Variants in ST3GAL2 observed in about 807,000 individuals in gnomAD.
ST3GAL2 encodes the protein ST3 beta-galactoside alpha-2,3-sialyltransferase 2, also known as CMP-N-acetylneuraminate-beta-galactosamide-alpha-2,3-sialyltransferase 2.
A neutral mutation model predicts 37.5 loss-of-function variants in ST3GAL2; 16 were observed. The observed-to-expected ratio is 0.43, with a 90% CI of 0.29 to 0.65. ST3GAL2 has a LOEUF of 0.65. Among genes scored for constraint, ST3GAL2 ranks in the 30% least tolerant of loss-of-function variants. ST3GAL2 has a pLI of 0.17. For synonymous variants in ST3GAL2, 238 were observed against 202.9 expected, an observed-to-expected ratio of 1.17 and a Z score of -1.47; for missense variants, 383 against 487.8, an observed-to-expected ratio of 0.79 and a Z score of 2.02.
intron 4 of ST3GAL2, among the ~76,000 whole-genome samples, chr16:70,386,036 G>GT (rs1375308099): frequency 6.6e-6 from 1 of 151,666 alleles, no homozygotes; most frequent in Admixed American, 6.6e-5. Flanking sequence ...GTTTTGTTTT[G>GT]TTTTTTTGAG....
Position 70,399,027 on chromosome 16 carries a change from G to A in ST3GAL2, c.-497C>T, listed in dbSNP as rs2047537356. On this transcript the variant is annotated 5_prime_UTR_variant, in exon 2 of 7. Coordinates refer to ENST00000342907, the MANE Select transcript of ST3GAL2 (RefSeq NM_006927.4). ...AACTCCAATCACAACAGAGAGCACA[G>A]GGGCTTCAGGGGACTTGGGTTCCAT... 3 of 404,442 alleles carry A rather than the reference G, an allele frequency of 7.4e-6. No individual in the cohort carries two copies. Among genetic ancestry groups the A allele is most frequent in the Non-Finnish European group, 1.3e-5 (3 of 229,410 alleles). The allele number at this position is 404,442 out of a possible 1,614,324, so 25.1% of individuals were successfully genotyped here.
chr16:70,383,282 G>C, intron 4 of ST3GAL2, 47 bp from the exon 5 acceptor site: 1 of 1,568,500 alleles, frequency 6.4e-7, no homozygotes, highest in Non-Finnish European at 8.6e-7. Flanking sequence ...TGGGCACGGT[G>C]GCTCACACCT....
At chr16:70,402,561 C>G (rs1245102405) in intron 1 of ST3GAL2, among the ~76,000 whole-genome samples, 2 of 152,128 alleles carry the variant, frequency 1.3e-5, no homozygotes, top group Non-Finnish European at 2.9e-5. Context: ...GGGAATTCCT[C>G]TGGAGGGGGA....
intron 1 of ST3GAL2, among the ~76,000 whole-genome samples, chr16:70,432,319 T>C (rs1345720743): frequency 6.6e-6 from 1 of 152,170 alleles, no homozygotes; most frequent in Admixed American, 6.5e-5. Flanking sequence ...TGACCTGCTC[T>C]AAGAATCTGC....
chr16:70,385,343 T>C (rs537944200), intron 4 of ST3GAL2, among the ~76,000 whole-genome samples: 1 of 151,810 alleles, frequency 6.6e-6, no homozygotes, highest in African/African-American at 2.4e-5. Context: ...AGTTAAATCA[T>C]AGAGACAGAA....
At chr16:70,396,227 C>T (rs1051993961) in intron 2 of ST3GAL2, among the ~76,000 whole-genome samples, 6 of 150,214 alleles carry the variant, frequency 4.0e-5, no homozygotes, top group Non-Finnish European at 5.9e-5. Flanking sequence ...GCCTTGGCCT[C>T]CCAAGGTGGT....
chr16:70,437,840 G>A (rs939435664), intron 1 of ST3GAL2, among the ~76,000 whole-genome samples: 2 of 152,174 alleles, frequency 1.3e-5, no homozygotes, highest in Non-Finnish European at 2.9e-5. Context: ...GGCAAGGAAG[G>A]GGTGGCCAAC....
chr16:70,429,316 G>C (rs558647115), intron 1 of ST3GAL2, among the ~76,000 whole-genome samples: 1 of 152,142 alleles, frequency 6.6e-6, no homozygotes, highest in Non-Finnish European at 1.5e-5. Context: ...CCCTGAGGCC[G>C]GGTAAGGTGG....
rs1336681588 is a variant in ST3GAL2, at chr16:70,377,974, A to G, written c.*3715T>C. On this transcript the variant is annotated 3_prime_UTR_variant, in exon 7 of 7. Transcript: ENST00000342907. ...CCACAACGTCACTAAAGCTATGGGA[A>G]AGGAATGAAAAAGGTATCAACTCAC... 1.3e-5 allele frequency: 2 copies of G among 152,224 alleles called. No individual in the cohort carries two copies. The highest frequency in any genetic ancestry group is 4.8e-5 in the African/African-American group (2 of 41,464). The allele number at this position is 152,224 out of a possible 1,614,324, so 9.4% of individuals were successfully genotyped here.
intron 1 of ST3GAL2, among the ~76,000 whole-genome samples, chr16:70,409,634 C>T (rs987221039): frequency 2.0e-5 from 3 of 151,910 alleles, no homozygotes; most frequent in Non-Finnish European, 2.9e-5. Flanking sequence ...TCAGCCACTG[C>T]GCCCAGGCTT....
chr16:70,434,247 G>A (rs1490744167), intron 1 of ST3GAL2, among the ~76,000 whole-genome samples: 2 of 152,082 alleles, frequency 1.3e-5, no homozygotes, highest in Non-Finnish European at 2.9e-5. Flanking sequence ...GACCAGCCTG[G>A]CCAACATGGC....
chr16:70,415,047 G>C (rs542518013), intron 1 of ST3GAL2, among the ~76,000 whole-genome samples: 15 of 151,822 alleles, frequency 9.9e-5, no homozygotes, highest in African/African-American at 3.6e-4. Context: ...CTAACTTTTT[G>C]TATTTTTTAG....
chr16:70,417,609 T>C (rs1217908434), intron 1 of ST3GAL2, among the ~76,000 whole-genome samples: 1 of 152,200 alleles, frequency 6.6e-6, no homozygotes, highest in Admixed American at 6.5e-5. Context: ...AAAGCTATTA[T>C]AATAAGGAGT....
intron 3 of ST3GAL2, 114 bp downstream of exon 3, chr16:70,394,868 C>A (rs918359634): frequency 8.2e-7 from 1 of 1,214,184 alleles, no homozygotes; most frequent in Non-Finnish European, 1.2e-6. Flanking sequence ...GGAGGCAGGG[C>A]CCCACAGCAC....
intron 1 of ST3GAL2, among the ~76,000 whole-genome samples, chr16:70,430,728 G>T (rs1268642870): frequency 6.6e-6 from 1 of 152,166 alleles, no homozygotes; most frequent in Non-Finnish European, 1.5e-5. Flanking sequence ...CTCCCTTGTG[G>T]TCTGGCAACC....
chr16:70,436,125 CA>C (rs796840062), intron 1 of ST3GAL2, among the ~76,000 whole-genome samples: 330 of 129,056 alleles, frequency 2.6e-3, no homozygotes, highest in Middle Eastern at 4.7e-3. Flanking sequence ...GACTCTATCT[CA>C]AAAAAAAAAA....
chr16:70,382,037 C>G (rs1439936452), intron 6 of ST3GAL2, among the ~76,000 whole-genome samples, 175 bp from the exon 7 acceptor site: 1 of 150,758 alleles, frequency 6.6e-6, no homozygotes. Flanking sequence ...CTTTGCAGCC[C>G]TTGCAAATTC....
rs2047404850 is a variant in ST3GAL2 at position 70,381,552 on chromosome 16, C to T, written c.*137G>A. ...GATTGGTGCCAGGCCCGGCCGGTCCCCCAGTCTCGTGATTGGCGGGGCACA... is the reference window on the plus strand; with the variant it reads ...GATTGGTGCCAGGCCCGGCCGGTCCTCCAGTCTCGTGATTGGCGGGGCACA... On this transcript the variant is annotated 3_prime_UTR_variant, in exon 7 of 7. Transcript: ENST00000342907. The T allele has an allele frequency of 9.2e-7, 1 of 1,082,086 alleles. No individual in the cohort carries two copies. Among genetic ancestry groups the T allele is most frequent in the Admixed American group, 2.8e-5 (1 of 35,582 alleles). 67.0% of individuals were successfully genotyped at this position (1,082,086 alleles called of 1,614,324 possible).
Position 70,377,125 on chromosome 16 carries a change from T to C in ST3GAL2, c.*4564A>G, listed in dbSNP as rs927671745. The C allele has an allele frequency of 6.7e-6, 1 of 149,706 alleles. No individual in the cohort carries two copies. Among genetic ancestry groups the C allele is most frequent in the Non-Finnish European group, 1.5e-5 (1 of 67,710 alleles). The allele number at this position is 149,706 out of a possible 1,614,324, so 9.3% of individuals were successfully genotyped here. A position where few individuals can be genotyped will look rare whatever the true frequency, so the allele number is the denominator to read the frequency against. ...GAGGATCACTTGAATCCAGGAGTTTTTGAGGCTGCAGTGAGCTCTGCACCA... is the reference window on the plus strand; with the variant it reads ...GAGGATCACTTGAATCCAGGAGTTTCTGAGGCTGCAGTGAGCTCTGCACCA... On this transcript the variant is annotated 3_prime_UTR_variant, in exon 7 of 7. Coordinates refer to ENST00000342907, the MANE Select transcript of ST3GAL2 (RefSeq NM_006927.4).
Sources: allele counts gnomAD v4.1 joint callset (sites outside exome capture counted in the v4.1 genomes callset), GRCh38; gene constraint gnomAD v4.1.1; transcripts MANE v1.5; gene names NCBI Gene and HGNC (gene_info 2026-07-23, HGNC 2026-07-21).